AGAP1: variants seen among roughly 807,000 people sequenced by gnomAD.
AGAP1 encodes the protein arf-GAP with GTPase, ANK repeat and PH domain-containing protein 1.
In AGAP1, 29 loss-of-function variants were observed where a neutral mutation model predicts 105.3. The ratio of observed to expected loss-of-function variants is 0.28; its 90% confidence interval spans 0.21 to 0.38. AGAP1 has a LOEUF of 0.38. AGAP1 is among the 10% of genes least tolerant of loss of function. The pLI, the probability that AGAP1 is intolerant of heterozygous loss-of-function variation, is 1.00. For synonymous variants in AGAP1, 509 were observed against 485.9 expected (o/e 1.05, Z -0.63); for missense variants, 998 against 1,165.1 (o/e 0.86, Z 2.09).
chr2:236,077,484 A>ACTCAAGCG (rs2058671245), intron 16 of AGAP1, among the ~76,000 whole-genome samples: 2 of 151,816 alleles, frequency 1.3e-5, no homozygotes, highest in Non-Finnish European at 2.9e-5. Flanking sequence ...ACGGCCAGCT[A>ACTCAAGCG]ATTTTTGTAT....
At chr2:235,818,698 C>T (rs960041741) in intron 9 of AGAP1, among the ~76,000 whole-genome samples, 5 of 152,232 alleles carry the variant, frequency 3.3e-5, no homozygotes, top group Admixed American at 2.6e-4. Flanking sequence ...CTGCCTCATC[C>T]TCCTAAGTAG....
intron 13 of AGAP1, among the ~76,000 whole-genome samples, chr2:235,984,470 CT>C (rs1349738058): frequency 5.6e-4 from 69 of 124,270 alleles, no homozygotes; most frequent in East Asian, 9.4e-4. Context: ...CCACCAAATT[CT>C]TTTTTTTTTT....
At chr2:235,881,810 A>C (rs2050037879) in intron 9 of AGAP1, among the ~76,000 whole-genome samples, 1 of 152,252 alleles carries the variant, frequency 6.6e-6, no homozygotes, top group Non-Finnish European at 1.5e-5. Context: ...CATGACTTCA[A>C]AAATGTGTTG....
chr2:236,075,344 AAAG>A (rs1226922981), intron 16 of AGAP1, among the ~76,000 whole-genome samples: 2 of 152,096 alleles, frequency 1.3e-5, no homozygotes, highest in African/African-American at 4.8e-5. Flanking sequence ...GTTGGGGAAA[AAAG>A]AAGACTTGGT....
intron 13 of AGAP1, among the ~76,000 whole-genome samples, chr2:235,969,000 C>G (rs1225858253): frequency 1.3e-5 from 2 of 152,196 alleles, no homozygotes; most frequent in African/African-American, 4.8e-5. Context: ...GTGCCCACTT[C>G]TAGTTTAGGA....
chr2:235,995,657 G>A (rs1295297034), intron 13 of AGAP1, among the ~76,000 whole-genome samples: 3 of 152,268 alleles, frequency 2.0e-5, no homozygotes, highest in South Asian at 2.1e-4. Flanking sequence ...TTGACACTGC[G>A]GGTCCGATTC....
rs1226342575 is a variant in AGAP1 at position 235,957,888 on chromosome 2, CCTGT to C, written c.1484-10571_1484-10568del. 6.6e-6 allele frequency among the ~76,000 whole-genome samples: 1 copy of C among 152,108 alleles called. No individual in the cohort carries two copies. The highest frequency in any genetic ancestry group is 1.5e-5 in the Non-Finnish European group (1 of 68,018). On this transcript the variant is annotated intron_variant, in intron 12 of 17. Coordinates refer to ENST00000304032, the MANE Select transcript of AGAP1 (RefSeq NM_001037131.3). The surrounding 1 kb of genome is among the most constrained non-coding windows in gnomAD (Gnocchi z 4.6). ...TCCTCTCCTGGCACCTACAAATGGGCCTGTCTTTGATAATTTTAAATTATTTTAA... is the reference window on the plus strand; with the variant it reads ...TCCTCTCCTGGCACCTACAAATGGGCCTTTGATAATTTTAAATTATTTTAA...
intron 6 of AGAP1, chr2:235,774,498 C>A: frequency 2.6e-6 from 1 of 384,002 alleles, no homozygotes. Flanking sequence ...AATAAGATTC[C>A]AAACCTTTAA....
rs12470301 is a variant in AGAP1 at position 235,549,559 on chromosome 2, C to T, written c.163+54710C>T. 6.6e-6 allele frequency among the ~76,000 whole-genome samples: 1 copy of T among 151,986 alleles called. No homozygotes were observed. The highest frequency in any genetic ancestry group is 1.5e-5 in the Non-Finnish European group (1 of 68,006). Reference sequence around the variant, plus strand: ...TTTCACGTACAGAGTTGCATTGCTCCTCCGTCTTCCGCGTGCCTGTGGGCA... The same window carrying T: ...TTTCACGTACAGAGTTGCATTGCTCTTCCGTCTTCCGCGTGCCTGTGGGCA... On this transcript the variant is annotated intron_variant, in intron 1 of 17. Coordinates refer to ENST00000304032, the MANE Select transcript of AGAP1 (RefSeq NM_001037131.3). This position sits in a 1 kb window ranked among gnomAD's most constrained non-coding sequence, Gnocchi z 4.2.
In AGAP1 at chr2:236,121,121, C is replaced by A. The variant is rs2125979021; in HGVS notation, c.2370+674C>A. 6.6e-6 allele frequency among the ~76,000 whole-genome samples: 1 copy of A among 152,240 alleles called. No homozygotes were observed. Among genetic ancestry groups the A allele is most frequent in the Admixed American group, 6.5e-5 (1 of 15,294 alleles). On this transcript the variant is annotated intron_variant, in intron 17 of 17. Coordinates refer to ENST00000304032, the MANE Select transcript of AGAP1 (RefSeq NM_001037131.3). The surrounding 1 kb of genome is among the most constrained non-coding windows in gnomAD (Gnocchi z 4.9). ...AGAAAGCTGCCGGCAGGGAGGCTCC[C>A]CAGATAGGGAAGGCAAGTGTGTGCC...
intron 1 of AGAP1, among the ~76,000 whole-genome samples, chr2:235,644,291 G>A (rs1164939769): frequency 6.6e-6 from 1 of 152,186 alleles, no homozygotes; most frequent in South Asian, 2.1e-4. Flanking sequence ...TGGGAAGAAC[G>A]GAGCGGAGCC....
intron 11 of AGAP1, among the ~76,000 whole-genome samples, chr2:235,910,832 G>A (rs111857829): frequency 2.6e-5 from 4 of 151,952 alleles, no homozygotes; most frequent in African/African-American, 7.2e-5. Flanking sequence ...CAGGGGAATC[G>A]CTTAAACCCA....
chr2:235,603,556 G>A (rs943836159), intron 1 of AGAP1, among the ~76,000 whole-genome samples: 1 of 152,186 alleles, frequency 6.6e-6, no homozygotes, highest in Non-Finnish European at 1.5e-5. Flanking sequence ...GTGCTAGGAG[G>A]CAGTATAAAA....
At chr2:235,796,784 C>T (rs1369328404) in intron 6 of AGAP1, among the ~76,000 whole-genome samples, 1 of 152,282 alleles carries the variant, frequency 6.6e-6, no homozygotes, top group East Asian at 1.9e-4. Flanking sequence ...ACTATCTAGG[C>T]AAAGTCAAGG....
At position 236,089,332 on chromosome 2, in the gene AGAP1, C is replaced by T. The variant is rs1473376159; in HGVS notation, c.2115-30860C>T. Among the ~76,000 whole-genome samples, 2 of 152,234 alleles carry T rather than the reference C, an allele frequency of 1.3e-5. No homozygotes were observed. The highest frequency in any genetic ancestry group is 2.9e-5 in the Non-Finnish European group (2 of 68,044). On this transcript the variant is annotated intron_variant, in intron 16 of 17. Coordinates refer to ENST00000304032, the MANE Select transcript of AGAP1 (RefSeq NM_001037131.3). This position sits in a 1 kb window ranked among gnomAD's most constrained non-coding sequence, Gnocchi z 5.6. ...CATTGCTACATATTCCTTGCTCTTC[C>T]GTAAAGGACACATGTGTCTCTGTGC...
At chr2:235,794,340 C>T (rs553549463) in intron 6 of AGAP1, among the ~76,000 whole-genome samples, 3 of 152,122 alleles carry the variant, frequency 2.0e-5, no homozygotes, top group African/African-American at 4.8e-5. Context: ...CAGTAGTAAG[C>T]GCAAATGTTT....
At chr2:235,627,560 C>G (rs2149281068) in intron 1 of AGAP1, among the ~76,000 whole-genome samples, 1 of 152,230 alleles carries the variant, frequency 6.6e-6, no homozygotes, top group South Asian at 2.1e-4. Context: ...GCTGATCCCC[C>G]AGCCTCAGCG....
At chr2:235,616,373 A>G (rs892177275) in intron 1 of AGAP1, among the ~76,000 whole-genome samples, 2 of 152,016 alleles carry the variant, frequency 1.3e-5, no homozygotes, top group Non-Finnish European at 2.9e-5. Flanking sequence ...AAAAAAAAAA[A>G]GGTGACCTCT....
chr2:235,803,612 T>A (rs1364393266), intron 8 of AGAP1, among the ~76,000 whole-genome samples: 1 of 152,218 alleles, frequency 6.6e-6, no homozygotes, highest in African/African-American at 2.4e-5. Context: ...AAGTAATGCA[T>A]GTATCATTTT....
Sources: allele counts gnomAD v4.1 joint callset (sites outside exome capture counted in the v4.1 genomes callset), GRCh38; gene constraint gnomAD v4.1.1; non-coding constraint Gnocchi (gnomAD v3.1); transcripts MANE v1.5; gene names NCBI Gene and HGNC (gene_info 2026-07-23, HGNC 2026-07-21).